Variants in BACH2 observed in about 807,000 individuals in gnomAD.
The protein encoded by BACH2 is transcription regulator protein BACH2.
A neutral mutation model predicts 61.8 loss-of-function variants in BACH2; 5 were observed. The ratio of observed to expected loss-of-function variants is 0.08; its 90% CI spans 0.04 to 0.17. The LOEUF is 0.17. BACH2 is among the 10% of genes least tolerant of loss of function. The probability of loss-of-function intolerance (pLI) is 1.00; values close to 1 mark genes in which losing one functional copy is unlikely to be tolerated. For synonymous variants in BACH2, 446 were observed against 440.1 expected (o/e 1.01, Z -0.17); for missense variants, 824 against 1,091.1 (o/e 0.76, Z 3.45).
intron 6 of BACH2, among the ~76,000 whole-genome samples, chr6:90,006,268 G>A (rs946838395): frequency 2.0e-5 from 3 of 152,294 alleles, no homozygotes; most frequent in East Asian, 3.9e-4. Context: ...CCTACTAGAG[G>A]ATAAGGGCTG....
At chr6:90,085,622 G>A (rs1240902661) in intron 5 of BACH2, among the ~76,000 whole-genome samples, 2 of 152,128 alleles carry the variant, frequency 1.3e-5, no homozygotes, top group South Asian at 2.1e-4. Context: ...CTCATTCCTG[G>A]GACTGAAGTA....
intron 5 of BACH2, among the ~76,000 whole-genome samples, chr6:90,015,070 C>A (rs967734949): frequency 6.6e-6 from 1 of 151,902 alleles, no homozygotes; most frequent in Non-Finnish European, 1.5e-5. Flanking sequence ...GCGTGAGCCA[C>A]CACACCCAGC....
At chr6:90,230,101 A>G (rs1770046505) in intron 3 of BACH2, among the ~76,000 whole-genome samples, 1 of 152,230 alleles carries the variant, frequency 6.6e-6, no homozygotes, top group African/African-American at 2.4e-5. Flanking sequence ...TGGTTATGTC[A>G]TATGAGTGAG....
intron 4 of BACH2, among the ~76,000 whole-genome samples, chr6:90,100,945 G>C (rs1236420894): frequency 6.6e-6 from 1 of 152,128 alleles, no homozygotes; most frequent in Non-Finnish European, 1.5e-5. Context: ...AACCATCCTA[G>C]TGGGGGTAAA....
chr6:89,968,120 G>A (rs1775145570), intron 6 of BACH2, among the ~76,000 whole-genome samples: 1 of 152,176 alleles, frequency 6.6e-6, no homozygotes, highest in Admixed American at 6.5e-5. Flanking sequence ...AATTCCAACT[G>A]TAAAATTCCA....
intron 4 of BACH2, among the ~76,000 whole-genome samples, chr6:90,186,199 C>A (rs1768350030): frequency 6.6e-6 from 1 of 152,114 alleles, no homozygotes; most frequent in Non-Finnish European, 1.5e-5. Flanking sequence ...ACTGGACTCG[C>A]CACTGACTCA....
In BACH2 at chr6:89,951,678, C is replaced by A; in HGVS notation, c.428G>T (p.Cys143Phe). The change falls in exon 7 of 9, where the codon TGC (cysteine) becomes TTC (phenylalanine). Residue 143 changes from cysteine (C) to phenylalanine (F), a missense_variant. Transcript: ENST00000257749. This position sits in a 1 kb window ranked among gnomAD's most constrained non-coding sequence, Gnocchi z 6.4. Reference protein sequence around the residue: ...LLNSEDGLFVCRKDAACQRPH... With the variant: ...LLNSEDGLFVFRKDAACQRPH... ...GCGCTGGCACGCAGCATCCTTCCGGCACACAAACAGGCCATCCTCACTGTT... is the reference window on the plus strand; with the variant it reads ...GCGCTGGCACGCAGCATCCTTCCGGAACACAAACAGGCCATCCTCACTGTT... 1 of 1,614,232 alleles carries A rather than the reference C, an allele frequency of 6.2e-7. No individual in the cohort carries two copies. Among genetic ancestry groups the A allele is most frequent in the Non-Finnish European group, 8.5e-7 (1 of 1,180,040 alleles).
intron 4 of BACH2, among the ~76,000 whole-genome samples, chr6:90,113,581 TAAGGCA>T (rs2127816956): frequency 6.6e-6 from 1 of 152,174 alleles, no homozygotes; most frequent in African/African-American, 2.4e-5. Flanking sequence ...GGGACACAGC[TAAGGCA>T]GTGTTAAGAG....
At chr6:90,143,305 T>C (rs1784521995) in intron 4 of BACH2, among the ~76,000 whole-genome samples, 1 of 152,122 alleles carries the variant, frequency 6.6e-6, no homozygotes, top group Admixed American at 6.5e-5. Context: ...AATATGAAGG[T>C]AGTGTGGCTT....
intron 5 of BACH2, among the ~76,000 whole-genome samples, chr6:90,009,133 T>C (rs1745735910): frequency 6.7e-6 from 1 of 148,496 alleles, no homozygotes; most frequent in African/African-American, 2.4e-5. Context: ...GATCTTTTAA[T>C]AGAACATTTA....
chr6:90,206,418 C>T (rs1769147737), intron 4 of BACH2, among the ~76,000 whole-genome samples, 151 bp downstream of exon 4: 1 of 151,108 alleles, frequency 6.6e-6, no homozygotes, highest in South Asian at 2.1e-4. Flanking sequence ...CACCTGTGAC[C>T]CTGCTTGTGG....
chr6:90,249,183 GTGAC>G (rs1433975921), intron 3 of BACH2, among the ~76,000 whole-genome samples: 2 of 152,176 alleles, frequency 1.3e-5, no homozygotes, highest in Admixed American at 1.3e-4. Context: ...TGGAAGATGA[GTGAC>G]TGTCTTTGCC....
rs546556085 is a variant in BACH2, at chr6:89,979,884, A to C, written c.244-28022T>G. 2.0e-5 allele frequency among the ~76,000 whole-genome samples: 3 copies of C among 152,374 alleles called. No homozygotes were observed. The East Asian group carries it at 5.8e-4, about 29-fold the overall frequency. On this transcript the variant is annotated intron_variant, in intron 6 of 8. Transcript: ENST00000257749. ...TCCTTCCTTAGACACTGGGCTACCG[A>C]AAATGTAACCTGCATTTGCATGAAC... is the stretch of plus-strand genomic sequence containing the variant.
At chr6:90,092,291 A>AAAAAAAAAAAAAAATATATAT in intron 4 of BACH2, among the ~76,000 whole-genome samples, 8 of 113,808 alleles carry the variant, frequency 7.0e-5, no homozygotes, top group African/African-American at 2.9e-4. Flanking sequence ...AAAAAAAAAA[A>AAAAAAAAAAAAAAATATATAT]ATATATATAT....
intron 1 of BACH2, among the ~76,000 whole-genome samples, chr6:90,287,021 C>A (rs1275431530): frequency 6.6e-6 from 1 of 152,136 alleles, no homozygotes; most frequent in Non-Finnish European, 1.5e-5. Context: ...GAGGACTCTT[C>A]ATCATACCCA....
At chr6:90,287,256 C>A (rs2127890089) in intron 1 of BACH2, among the ~76,000 whole-genome samples, 1 of 152,302 alleles carries the variant, frequency 6.6e-6, no homozygotes, top group East Asian at 1.9e-4. Flanking sequence ...ATGTCACCAC[C>A]ATGCTGACAC....
intron 2 of BACH2, among the ~76,000 whole-genome samples, chr6:90,261,818 A>G (rs1388710384): frequency 6.6e-6 from 1 of 152,128 alleles, no homozygotes; most frequent in African/African-American, 2.4e-5. Flanking sequence ...TCACTCATGT[A>G]GTCACCCATG....
intron 6 of BACH2, among the ~76,000 whole-genome samples, chr6:89,990,940 G>C (rs1340256884): frequency 6.6e-6 from 1 of 152,196 alleles, no homozygotes; most frequent in African/African-American, 2.4e-5. Flanking sequence ...GCTTCTTCTG[G>C]TCATTCAGGT....
intron 4 of BACH2, among the ~76,000 whole-genome samples, chr6:90,204,308 A>G (rs1562502549): frequency 6.6e-6 from 1 of 151,940 alleles, no homozygotes; most frequent in Non-Finnish European, 1.5e-5. Context: ...CCACAACAAT[A>G]TTTCTAGCAC....
Sources: gnomAD v4.1 joint callset for allele counts (sites outside exome capture counted in the v4.1 genomes callset) on GRCh38, gnomAD v4.1.1 for gene constraint, Gnocchi (gnomAD v3.1) non-coding constraint, MANE v1.5 for transcripts, NCBI Gene and HGNC (gene_info 2026-07-23, HGNC 2026-07-21) for gene names.